Variants in SERPINF1 observed in about 807,000 individuals in gnomAD.
SERPINF1 encodes serpin family F member 1, also known as pigment epithelium-derived factor.
Under a neutral mutation model 37.3 loss-of-function variants are expected in SERPINF1, and 29 were observed. That is an observed-to-expected ratio of 0.78 (90% CI 0.58 to 1.06). SERPINF1 has a LOEUF of 1.06. SERPINF1 is among the 50% of genes least tolerant of loss of function. The pLI is 0.00. For synonymous variants in SERPINF1, 281 were observed against 227.9 expected, an observed-to-expected ratio of 1.23 and a Z score of -2.10; for missense variants, 553 against 532.2, an observed-to-expected ratio of 1.04 and a Z score of -0.38.
chr17:1,769,831 A>T (rs367632472), intron 2 of SERPINF1, 21 bp from the exon 3 acceptor site: 128 of 1,613,980 alleles, frequency 7.9e-5, no homozygotes, highest in Non-Finnish European at 1.0e-4. Context: ...CTCAAACCCA[A>T]GACTTCCTGT....
chr17:1,770,141 G>T (rs991799310), intron 3 of SERPINF1, 91 bp downstream of exon 3: 23 of 1,412,712 alleles, frequency 1.6e-5, no homozygotes, highest in Non-Finnish European at 2.1e-5. Context: ...TGACATTTCA[G>T]TTCAGCGAGG....
intron 2 of SERPINF1, among the ~76,000 whole-genome samples, chr17:1,768,832 G>A (rs1332803279): frequency 6.6e-6 from 1 of 151,384 alleles, no homozygotes; most frequent in Non-Finnish European, 1.5e-5. Context: ...TTGAGACAGG[G>A]TCTCACTCTG....
intron 4 of SERPINF1, among the ~76,000 whole-genome samples, chr17:1,771,534 G>C (rs984418616): frequency 6.6e-6 from 1 of 151,980 alleles, no homozygotes. Context: ...CACCGCGCTC[G>C]GCCCGTTTCT....
intron 7 of SERPINF1, 117 bp from the exon 8 acceptor site, chr17:1,777,070 C>G: frequency 6.6e-7 from 1 of 1,526,012 alleles, no homozygotes; most frequent in South Asian, 1.2e-5. Context: ...CAGACCTCTT[C>G]AGGCCTCAGA....
At chr17:1,776,017 CTT>C (rs1908008159) in intron 6 of SERPINF1, among the ~76,000 whole-genome samples, 2 of 152,132 alleles carry the variant, frequency 1.3e-5, no homozygotes, top group Non-Finnish European at 2.9e-5. Flanking sequence ...TTCGGAGACT[CTT>C]GGGATCCCTG....
chr17:1,777,151 C>T (rs1330784708), intron 7 of SERPINF1, 36 bp from the exon 8 acceptor site: 1 of 1,613,990 alleles, frequency 6.2e-7, no homozygotes, highest in South Asian at 1.1e-5. Context: ...TTGGGGAAGG[C>T]AGGGTTTTAA....
At chr17:1,774,316 C>T (rs548883586) in intron 5 of SERPINF1, among the ~76,000 whole-genome samples, 1 of 152,220 alleles carries the variant, frequency 6.6e-6, no homozygotes, top group Non-Finnish European at 1.5e-5. Flanking sequence ...CTGTCTCTGC[C>T]TCCCGAGTAG....
chr17:1,763,713 C>T (rs1012108385), intron 1 of SERPINF1, among the ~76,000 whole-genome samples: 2 of 152,222 alleles, frequency 1.3e-5, no homozygotes, highest in African/African-American at 2.4e-5. Context: ...GTGTCTAGCT[C>T]GGGGCCACCT....
chr17:1,770,758 C>T (rs975657895), intron 3 of SERPINF1: 1 of 430,774 alleles, frequency 2.3e-6, no homozygotes, highest in Non-Finnish European at 4.3e-6. Context: ...CCGCGCCTGG[C>T]CAGAATAATC....
intron 2 of SERPINF1, 138 bp from the exon 3 acceptor site, chr17:1,769,713 TA>T (rs1907598675): frequency 3.3e-6 from 3 of 902,834 alleles, no homozygotes; most frequent in Admixed American, 1.8e-5. Context: ...ATTCCCGTTT[TA>T]GGCCAAACAC....
rs2269344 is a variant in SERPINF1, at chr17:1,774,962, G to C, written c.644-96G>C. On this transcript the variant is annotated intron_variant, in intron 5 of 7. Coordinates refer to ENST00000254722, the MANE Select transcript of SERPINF1 (RefSeq NM_002615.7). ...CCCTGACAGCTAAGCTCCCTTGAGT[G>C]GGGCAATTTTCAACAACGTGCTCTG... 0.72 allele frequency: 1,094,526 copies of C among 1,517,950 alleles called. 396,985 individuals carry two copies. Among genetic ancestry groups the C allele is most frequent in the African/African-American group, 0.87 (63,700 of 72,838 alleles). 94.0% of individuals were successfully genotyped at this position (1,517,950 alleles called of 1,614,324 possible).
At chr17:1,765,886 A>G in intron 1 of SERPINF1, among the ~76,000 whole-genome samples, 1 of 144,638 alleles carries the variant, frequency 6.9e-6, no homozygotes, top group South Asian at 2.1e-4. Context: ...AAAAAAAAAA[A>G]AAATTTCAAA....
intron 6 of SERPINF1, among the ~76,000 whole-genome samples, chr17:1,775,664 C>T (rs1219134783): frequency 6.6e-6 from 1 of 152,044 alleles, no homozygotes; most frequent in Admixed American, 6.6e-5. Context: ...TTGCCTCAGC[C>T]TCCTGAGTAG....
chr17:1,772,111 C>T, intron 5 of SERPINF1, 36 bp downstream of exon 5: 1 of 1,591,536 alleles, frequency 6.3e-7, no homozygotes, highest in Non-Finnish European at 8.6e-7. Flanking sequence ...ATTTATTTTA[C>T]TGTATTTTAA....
intron 4 of SERPINF1, chr17:1,771,581 A>C: frequency 2.1e-6 from 1 of 484,516 alleles, no homozygotes; most frequent in Non-Finnish European, 3.8e-6. Context: ...CTGGCCTGGC[A>C]CTGGTGTGGA....
At chr17:1,765,136 G>T (rs1225142233) in intron 1 of SERPINF1, among the ~76,000 whole-genome samples, 2 of 136,344 alleles carry the variant, frequency 1.5e-5, no homozygotes, top group East Asian at 2.2e-4. Context: ...GAGCCACTGC[G>T]CCTGGCCTTT....
At chr17:1,764,107 G>T (rs561998078) in intron 1 of SERPINF1, among the ~76,000 whole-genome samples, 1 of 152,168 alleles carries the variant, frequency 6.6e-6, no homozygotes, top group African/African-American at 2.4e-5. Flanking sequence ...GCTTGAACCC[G>T]GGAGGTGGAA....
Position 1,771,136 on chromosome 17 carries a change from GC to G in SERPINF1, c.397del (p.Gln133ArgfsTer18). The G allele has an allele frequency of 6.2e-7, 1 of 1,613,998 alleles. No homozygotes were observed. Among genetic ancestry groups the G allele is most frequent in the Non-Finnish European group, 8.5e-7 (1 of 1,179,952 alleles). On this transcript the variant is annotated frameshift_variant, in exon 4 of 8. Transcript: ENST00000254722. LOFTEE classifies it high-confidence loss of function. ...TAAGGAGCTCCTTGACACGGTCACTGCCCCCCAGAAGAACCTCAAGAGTGCC... is the reference window on the plus strand; with the variant it reads ...TAAGGAGCTCCTTGACACGGTCACTGCCCCCAGAAGAACCTCAAGAGTGCC... ...TYKELLDTVT[A>X]PQKNLKSASR...
chr17:1,767,400 C>T (rs1907451567), intron 2 of SERPINF1, among the ~76,000 whole-genome samples: 1 of 152,188 alleles, frequency 6.6e-6, no homozygotes. Context: ...CCTCGGCCTC[C>T]CAAAGTGCCG....
Sources: allele counts gnomAD v4.1 joint callset (sites outside exome capture counted in the v4.1 genomes callset), GRCh38; gene constraint gnomAD v4.1.1; transcripts MANE v1.5; gene names NCBI Gene and HGNC (gene_info 2026-07-23, HGNC 2026-07-21).